The following LHX9 variants were observed in gnomAD, a reference collection of about 807,000 sequenced individuals.
LHX9 encodes LIM homeobox 9, also known as LIM/homeobox protein Lhx9.
LHX9 carries 9 observed loss-of-function variants against 36.5 expected under a neutral mutation model. The ratio of observed to expected loss-of-function variants is 0.25; its 90% CI spans 0.15 to 0.43. LHX9 has a LOEUF of 0.43. Ranked by LOEUF, LHX9 falls within the 20% of genes least tolerant of loss-of-function variation. The probability of loss-of-function intolerance (pLI) is 1.00; values close to 1 mark genes in which losing one functional copy is unlikely to be tolerated. For synonymous variants in LHX9, 211 were observed against 212.1 expected (o/e 0.99, Z 0.04); for missense variants, 464 against 526.4 (o/e 0.88, Z 1.16).
Position 197,929,674 on chromosome 1 carries a change from A to C in LHX9, c.*415A>C. 1.1e-6 allele frequency: 1 copy of C among 917,608 alleles called. No individual in the cohort carries two copies. The highest frequency in any genetic ancestry group is 1.3e-6 in the Non-Finnish European group (1 of 768,338). The allele number at this position is 917,608 out of a possible 1,614,324, so 56.8% of individuals were successfully genotyped here. On this transcript the variant is annotated 3_prime_UTR_variant, in exon 5 of 5. Coordinates refer to ENST00000367387, the MANE Select transcript of LHX9 (RefSeq NM_020204.3). ...AGGTTAATAAAGAACCAGATAATTA[A>C]TTAGTTACTTTTTAAATCTTGCAAT...
chr1:197,912,610 G>A (rs369818007), upstream of LHX9: 7 of 1,569,754 alleles, frequency 4.5e-6, no homozygotes, highest in Non-Finnish European at 5.3e-6. Context: ...TTGGGCCAGT[G>A]CGTATACCAT....
At position 197,930,000 on chromosome 1, in the gene LHX9, A is replaced by G; in HGVS notation, c.*741A>G. The G allele has an allele frequency of 1.6e-5, 16 of 984,076 alleles. No homozygotes were observed. The highest frequency in any genetic ancestry group is 1.9e-5 in the Non-Finnish European group (16 of 828,586). 61.0% of individuals were successfully genotyped at this position (984,076 alleles called of 1,614,324 possible). A position where few individuals can be genotyped will look rare whatever the true frequency, so the allele number is the denominator to read the frequency against. On this transcript the variant is annotated 3_prime_UTR_variant, in exon 5 of 5. Transcript: ENST00000367387. ...CCCTATGTATCCATGAAAATTCCGC[A>G]TTGATTTTGACATTCCATACTTTTA... is the stretch of plus-strand genomic sequence containing the variant.
chr1:197,922,037 T>G (rs1571402504), intron 3 of LHX9, among the ~76,000 whole-genome samples: 1 of 144,000 alleles, frequency 6.9e-6, no homozygotes. Context: ...CTGTAGGAGG[T>G]TTCCTAAATA....
upstream of LHX9, chr1:197,915,997 A>G (rs1365976042): frequency 1.3e-5 from 2 of 151,942 alleles, no homozygotes; most frequent in African/African-American, 4.8e-5. Context: ...GGTATCTAGG[A>G]TGTGCCAGGA....
upstream of LHX9, chr1:197,913,201 A>G (rs1292242208): frequency 6.6e-6 from 1 of 152,526 alleles, no homozygotes; most frequent in Non-Finnish European, 1.5e-5. Context: ...CAGGGGCTAT[A>G]GAGAACAGAG....
intron 3 of LHX9, among the ~76,000 whole-genome samples, chr1:197,924,670 T>G (rs1293785231): frequency 5.9e-5 from 9 of 152,342 alleles, no homozygotes; most frequent in African/African-American, 1.9e-4. Flanking sequence ...ATCCAAACTT[T>G]TAAGGCTCCT....
At position 197,929,997 on chromosome 1, in the gene LHX9, C is replaced by T. The variant is rs1053539403; in HGVS notation, c.*738C>T. 6 of 983,988 alleles carry T rather than the reference C, an allele frequency of 6.1e-6. No individual in the cohort carries two copies. Among genetic ancestry groups the T allele is most frequent in the South Asian group, 4.7e-5 (1 of 21,258 alleles). The allele number at this position is 983,988 out of a possible 1,614,324, so 61.0% of individuals were successfully genotyped here. On this transcript the variant is annotated 3_prime_UTR_variant, in exon 5 of 5. Transcript: ENST00000367387. ...GCTCCCTATGTATCCATGAAAATTC[C>T]GCATTGATTTTGACATTCCATACTT...
At chr1:197,923,361 C>G (rs1035048209) in intron 3 of LHX9, among the ~76,000 whole-genome samples, 1 of 152,174 alleles carries the variant, frequency 6.6e-6, no homozygotes, top group African/African-American at 2.4e-5. Context: ...TGGTTAGGGG[C>G]CACTTTGCCC....
Position 197,921,459 on chromosome 1 carries a change from A to T in LHX9, c.533A>T (p.Asp178Val). 7 of 1,614,206 alleles carry T rather than the reference A, an allele frequency of 4.3e-6. No homozygotes were observed. The highest frequency in any genetic ancestry group is 5.9e-6 in the Non-Finnish European group (7 of 1,180,050). Residue 178 changes from aspartate to valine, a missense_variant, in exon 3 of 5, where the codon GAC becomes GTC. Asp to Val is a radical substitution (Grantham distance 152). Transcript: ENST00000367387. The surrounding 1 kb of genome is among the most constrained non-coding windows in gnomAD (Gnocchi z 4.6). ...ACGGGCGACCATTTCGGCATGAAGG[A>T]CAGCCTGGTGTACTGCCGCGCCCAC... ...LTTGDHFGMK[D>V]SLVYCRAHFE...
At chr1:197,915,603 C>T (rs1366054600), upstream of LHX9, among the ~76,000 whole-genome samples, 1 of 152,140 alleles carries the variant, frequency 6.6e-6, no homozygotes, top group Non-Finnish European at 1.5e-5. Flanking sequence ...TGTGAAATTG[C>T]GTTTTATGAG....
rs1660400203 is a variant in LHX9, at chr1:197,934,330, G to A, written c.*5071G>A. ...GTGTGACTGCAAGGCATGTTGTGGTGGAAATCATTAGAACTGGGAAGCTCT... is the reference window on the plus strand; with the variant it reads ...GTGTGACTGCAAGGCATGTTGTGGTAGAAATCATTAGAACTGGGAAGCTCT... On this transcript the variant is annotated 3_prime_UTR_variant, in exon 5 of 5. Transcript: ENST00000367387. 2 of 151,962 alleles carry A rather than the reference G, an allele frequency of 1.3e-5. No homozygotes were observed. The highest frequency in any genetic ancestry group is 4.8e-5 in the African/African-American group (2 of 41,386). The allele number at this position is 151,962 out of a possible 1,614,324, so 9.4% of individuals were successfully genotyped here. A position where few individuals can be genotyped will look rare whatever the true frequency, so the allele number is the denominator to read the frequency against.
Position 197,932,980 on chromosome 1 carries a change from A to C in LHX9, c.*3721A>C, listed in dbSNP as rs1322931720. The C allele has an allele frequency of 4.6e-5, 7 of 152,022 alleles. No homozygotes were observed. The allele number at this position is 152,022 out of a possible 1,614,324, so 9.4% of individuals were successfully genotyped here. ...TGTATACAAATATATTCTGAACTAT[A>C]AAAAGATCCAATCTTTGCATAGTTC... is the stretch of plus-strand genomic sequence containing the variant. On this transcript the variant is annotated 3_prime_UTR_variant, in exon 5 of 5. Transcript: ENST00000367387.
upstream of LHX9, chr1:197,912,493 A>T: frequency 6.2e-7 from 1 of 1,613,242 alleles, no homozygotes; most frequent in Non-Finnish European, 8.5e-7. Context: ...TGCCAGTGCA[A>T]CCACCATTAC....
At chr1:197,920,883 G>A (rs1659962359) in intron 2 of LHX9, among the ~76,000 whole-genome samples, 1 of 152,090 alleles carries the variant, frequency 6.6e-6, no homozygotes. Context: ...GACTGTGTCC[G>A]CATGCTTTCC....
At chr1:197,920,243 T>A in intron 2 of LHX9, 69 bp downstream of exon 2, 1 of 1,461,074 alleles carries the variant, frequency 6.8e-7, no homozygotes, top group Non-Finnish European at 9.5e-7. Context: ...GAGCCCGGAA[T>A]CCCCTCTCCG....
upstream of LHX9, among the ~76,000 whole-genome samples, chr1:197,915,041 C>A (rs1158562369): frequency 6.6e-6 from 1 of 152,128 alleles, no homozygotes; most frequent in Non-Finnish European, 1.5e-5. Flanking sequence ...AGTTGTTTAA[C>A]TTTCCCTGCA....
chr1:197,927,621 AC>A lies in LHX9; in HGVS notation c.766del (p.Arg256GlyfsTer27). 6.2e-7 allele frequency: 1 copy of A among 1,614,196 alleles called. No individual in the cohort carries two copies. The highest frequency in any genetic ancestry group is 8.5e-7 in the Non-Finnish European group (1 of 1,180,024). On this transcript the variant is annotated frameshift_variant, in exon 4 of 5. Coordinates refer to ENST00000367387, the MANE Select transcript of LHX9 (RefSeq NM_020204.3). LOFTEE classifies it high-confidence loss of function. The stretch of plus-strand genomic sequence containing the variant: ...AATGAGAATGAGGCAGACCACTTGG[AC>A]CGGGACCAGCAGCCTTATCCACCCT... ...GCNENEADHL[D>X]RDQQPYPPSQ...
chr1:197,925,537 G>A (rs376357143), intron 3 of LHX9, among the ~76,000 whole-genome samples: 1 of 134,548 alleles, frequency 7.4e-6, no homozygotes, highest in Non-Finnish European at 1.6e-5. Flanking sequence ...ACTATTTTTT[G>A]TGGGTATATT....
In LHX9 at chr1:197,934,362, G is replaced by A. The variant is rs1025704772; in HGVS notation, c.*5103G>A. The A allele has an allele frequency of 6.6e-6, 1 of 152,282 alleles. No homozygotes were observed. Among genetic ancestry groups the A allele is most frequent in the Non-Finnish European group, 1.5e-5 (1 of 68,024 alleles). 9.4% of individuals were successfully genotyped at this position (152,282 alleles called of 1,614,324 possible). On this transcript the variant is annotated 3_prime_UTR_variant, in exon 5 of 5. Transcript: ENST00000367387. Reference sequence around the variant, plus strand: ...ATTAGAACTGGGAAGCTCTGGAATGGAAATTTGGAATCGTGTCATTCTAGG... The same window carrying A: ...ATTAGAACTGGGAAGCTCTGGAATGAAAATTTGGAATCGTGTCATTCTAGG...
Sources: allele counts gnomAD v4.1 joint callset (sites outside exome capture counted in the v4.1 genomes callset), GRCh38; gene constraint gnomAD v4.1.1; non-coding constraint Gnocchi (gnomAD v3.1); transcripts MANE v1.5; gene names NCBI Gene and HGNC (gene_info 2026-07-23, HGNC 2026-07-21).